The following DTNB variants were observed in gnomAD, a reference collection of about 807,000 sequenced individuals.
The protein encoded by DTNB is dystrobrevin beta, also known as DTN-B.
In DTNB, 63 loss-of-function variants were observed where a neutral mutation model predicts 90.7. The observed-to-expected ratio is 0.69, with a 90% confidence interval of 0.57 to 0.86. The LOEUF is 0.86. DTNB is among the 40% of genes least tolerant of loss of function. The probability of loss-of-function intolerance (pLI) is 0.00; values close to 1 mark genes in which losing one functional copy is unlikely to be tolerated. For missense variants in DTNB, 744 were observed against 807.1 expected (o/e 0.92, Z 0.95); for synonymous variants, 277 against 286.7 (o/e 0.97, Z 0.34).
chr2:25,526,395 A>ATATATATATTTTT lies in DTNB; in HGVS notation c.1001+5077_1001+5078insAAAAATATATATA. 4.7e-3 allele frequency among the ~76,000 whole-genome samples: 234 copies of ATATATATATTTTT among 49,802 alleles called. 3 individuals are homozygous for ATATATATATTTTT. Among genetic ancestry groups the ATATATATATTTTT allele is most frequent in the Middle Eastern group, 0.014 (1 of 74 alleles). The allele number at this position is 49,802 out of a possible 152,430, so 32.7% of individuals were successfully genotyped here. A position where few individuals can be genotyped will look rare whatever the true frequency, so the allele number is the denominator to read the frequency against. On this transcript the variant is annotated intron_variant, in intron 9 of 20. Transcript: ENST00000406818. Reference sequence around the variant, plus strand: ...TATATATATATATATATATATATATATTTTTTTTTTTTTAATTGAGACAGA... The same window carrying ATATATATATTTTT: ...TATATATATATATATATATATATATATATATATATTTTTTTTTTTTTTTTTTAATTGAGACAGA...
At chr2:25,510,916 G>A (rs1398011658) in intron 9 of DTNB, among the ~76,000 whole-genome samples, 2 of 152,194 alleles carry the variant, frequency 1.3e-5, no homozygotes, top group East Asian at 3.8e-4. Flanking sequence ...TTGGGATTTG[G>A]GGGCTAAAAA....
chr2:25,470,089 A>G (rs748138987), intron 10 of DTNB, among the ~76,000 whole-genome samples: 1 of 152,214 alleles, frequency 6.6e-6, no homozygotes, highest in Non-Finnish European at 1.5e-5. Context: ...TGTCCTCCAC[A>G]ATAAATGCAC....
intron 3 of DTNB, among the ~76,000 whole-genome samples, chr2:25,638,223 G>C (rs1489873431): frequency 1.3e-5 from 2 of 152,170 alleles, no homozygotes; most frequent in African/African-American, 4.8e-5. Flanking sequence ...ATGGCAGGAG[G>C]GGGAGGGATA....
rs145339207 is a variant in DTNB, at chr2:25,643,470, C to T, written c.68-4376G>A. Among the ~76,000 whole-genome samples the T allele has an allele frequency of 8.1e-4, 123 of 152,260 alleles. No individual in the cohort carries two copies. In the East Asian group the frequency reaches 0.022, roughly 27 times the overall value. On this transcript the variant is annotated intron_variant, in intron 2 of 20. Coordinates refer to ENST00000406818, the MANE Select transcript of DTNB (RefSeq NM_021907.5). ...GAAATAGTTATTGAGTGAATAAACA[C>T]GTTAAAATTGGGAAGTTGTGTTGCT...
intron 9 of DTNB, among the ~76,000 whole-genome samples, chr2:25,504,572 G>GA (rs1553465996): frequency 7.3e-6 from 1 of 136,254 alleles, no homozygotes; most frequent in African/African-American, 2.8e-5. Context: ...AAGAAAGAAA[G>GA]AAAGAAAAGA....
At chr2:25,614,913 G>A (rs1379700769) in intron 4 of DTNB, among the ~76,000 whole-genome samples, 3 of 152,126 alleles carry the variant, frequency 2.0e-5, no homozygotes, top group Non-Finnish European at 4.4e-5. Context: ...ATTCAAGTCC[G>A]ACACCATTTA....
intron 10 of DTNB, among the ~76,000 whole-genome samples, chr2:25,472,991 C>T (rs2063091284): frequency 4.6e-5 from 7 of 152,230 alleles, no homozygotes; most frequent in Admixed American, 4.6e-4. Context: ...GCACAGAACA[C>T]TTCCACGCTA....
At chr2:25,422,139 G>A (rs1429771902) in intron 15 of DTNB, among the ~76,000 whole-genome samples, 1 of 152,126 alleles carries the variant, frequency 6.6e-6, no homozygotes, top group Non-Finnish European at 1.5e-5. Flanking sequence ...GATGACAAGG[G>A]ATAGAGCCAA....
At chr2:25,534,297 G>A (rs1291083248) in intron 8 of DTNB, among the ~76,000 whole-genome samples, 1 of 152,182 alleles carries the variant, frequency 6.6e-6, no homozygotes, top group Non-Finnish European at 1.5e-5. Flanking sequence ...CACAGCACAT[G>A]TTTCAGAGAG....
chr2:25,479,971 C>T (rs1332362646), intron 10 of DTNB, among the ~76,000 whole-genome samples: 1 of 152,136 alleles, frequency 6.6e-6, no homozygotes, highest in East Asian at 1.9e-4. Context: ...TTCCGTTAGA[C>T]TCTCTGGCCA....
At chr2:25,419,344 C>CT in intron 16 of DTNB, 171 bp downstream of exon 16, 2 of 997,442 alleles carry the variant, frequency 2.0e-6, no homozygotes, top group Non-Finnish European at 3.1e-6. Context: ...GTAAACATGC[C>CT]TTGAACTTTT....
intron 4 of DTNB, among the ~76,000 whole-genome samples, chr2:25,608,087 A>C (rs1031090094): frequency 6.6e-6 from 1 of 152,216 alleles, no homozygotes; most frequent in South Asian, 2.1e-4. Context: ...AGCAGATAAA[A>C]ACTTCACTAG....
At chr2:25,484,508 C>G (rs1462786758) in intron 9 of DTNB, among the ~76,000 whole-genome samples, 1 of 152,138 alleles carries the variant, frequency 6.6e-6, no homozygotes, top group Non-Finnish European at 1.5e-5. Flanking sequence ...GCCAAGGAAC[C>G]CAGATGTTAA....
chr2:25,512,797 G>A (rs932648897), intron 9 of DTNB, among the ~76,000 whole-genome samples: 20 of 152,196 alleles, frequency 1.3e-4, no homozygotes, highest in African/African-American at 4.8e-4. Flanking sequence ...AGCTAGCTTG[G>A]TGGAAAGGGC....
At chr2:25,529,301 A>G (rs1039940856) in intron 9 of DTNB, among the ~76,000 whole-genome samples, 1 of 152,194 alleles carries the variant, frequency 6.6e-6, no homozygotes, top group African/African-American at 2.4e-5. Flanking sequence ...TTATTATTCA[A>G]ATGCAGAAAG....
At chr2:25,456,538 A>C (rs958974152) in intron 10 of DTNB, among the ~76,000 whole-genome samples, 1 of 152,094 alleles carries the variant, frequency 6.6e-6, no homozygotes, top group African/African-American at 2.4e-5. Context: ...TTATGTTTGT[A>C]TGTGACTGAT....
intron 1 of DTNB, among the ~76,000 whole-genome samples, chr2:25,669,686 G>A (rs766328615): frequency 6.6e-6 from 1 of 152,170 alleles, no homozygotes; most frequent in Non-Finnish European, 1.5e-5. Context: ...CGTGCGCTGT[G>A]ATGTAAGTCC....
intron 1 of DTNB, among the ~76,000 whole-genome samples, chr2:25,655,797 C>A (rs1298950543): frequency 6.6e-6 from 1 of 152,192 alleles, no homozygotes; most frequent in Non-Finnish European, 1.5e-5. Flanking sequence ...CTTTCTCTAA[C>A]CTCGAGTCCA....
At chr2:25,433,840 G>C in intron 13 of DTNB, 70 bp downstream of exon 13, 3 of 1,570,238 alleles carry the variant, frequency 1.9e-6, no homozygotes, top group Non-Finnish European at 2.6e-6. Context: ...AGTATCCAAG[G>C]AAAATGAGAA....
Sources: gnomAD v4.1 joint callset for allele counts (sites outside exome capture counted in the v4.1 genomes callset) on GRCh38, gnomAD v4.1.1 for gene constraint, MANE v1.5 for transcripts, NCBI Gene and HGNC (gene_info 2026-07-23, HGNC 2026-07-21) for gene names.